The following SRPK2 variants were observed in gnomAD, a reference collection of about 807,000 sequenced individuals.
SRPK2 encodes SFRS protein kinase 2.
In SRPK2, 21 loss-of-function variants were observed where a neutral mutation model predicts 90.8. The ratio of observed to expected loss-of-function variants is 0.23; its 90% CI spans 0.16 to 0.33. SRPK2 has a LOEUF of 0.33. SRPK2 is among the 10% of genes least tolerant of loss of function. The pLI is 1.00. For missense variants in SRPK2, 620 were observed against 869.0 expected, an observed-to-expected ratio of 0.71 and a Z score of 3.60; for synonymous variants, 288 against 311.1, an observed-to-expected ratio of 0.93 and a Z score of 0.78.
rs1406187131 is a variant in SRPK2, at chr7:105,142,011, T to C, written c.1540A>G (p.Lys514Glu). The stretch of plus-strand genomic sequence containing the variant: ...GTTGATGGGAAGAAACACTTACCTT[T>C]TGGCAAATCCCCAGTACTGGAGGCT... Reference protein sequence around the residue: ...VSASSTGDLPKAKTRAADLLV... With the variant: ...VSASSTGDLPEAKTRAADLLV... The change falls in exon 11 of 16, where the codon AAA (lysine) becomes GAA (glutamate). Residue 514 changes from lysine to glutamate, a missense_variant. By Grantham distance (56) the Lys-to-Glu change is moderately conservative. Around this residue, in one of 8 missense-constraint regions of SRPK2, gnomAD observed 243 missense variants for 245.7 expected, o/e 0.99. Transcript: ENST00000393651. 2 of 1,601,920 alleles carry C rather than the reference T, an allele frequency of 1.2e-6. No homozygotes were observed. Among genetic ancestry groups the C allele is most frequent in the Non-Finnish European group, 1.7e-6 (2 of 1,173,222 alleles).
At chr7:105,281,351 C>A (rs1186919596) in intron 2 of SRPK2, among the ~76,000 whole-genome samples, 1 of 152,212 alleles carries the variant, frequency 6.6e-6, no homozygotes, top group South Asian at 2.1e-4. Flanking sequence ...CCACCTCGGC[C>A]GCCCAAAGTG....
At chr7:105,225,946 C>A (rs889039800) in intron 2 of SRPK2, among the ~76,000 whole-genome samples, 2 of 152,156 alleles carry the variant, frequency 1.3e-5, no homozygotes, top group Admixed American at 6.5e-5. Context: ...GCTCAACAGC[C>A]ACATGCGGGG....
chr7:105,240,655 C>T (rs1381095500), intron 2 of SRPK2, among the ~76,000 whole-genome samples: 2 of 151,936 alleles, frequency 1.3e-5, no homozygotes, highest in Non-Finnish European at 2.9e-5. Flanking sequence ...TCAGAAAGTA[C>T]AAGGAGAAGT....
chr7:105,119,353 G>C (rs926050387), intron 15 of SRPK2, among the ~76,000 whole-genome samples: 1 of 152,118 alleles, frequency 6.6e-6, no homozygotes, highest in African/African-American at 2.4e-5. Context: ...GAAAAGGAAA[G>C]AGCATTACAG....
At chr7:105,197,523 G>A (rs569586513) in intron 3 of SRPK2, among the ~76,000 whole-genome samples, 1 of 152,220 alleles carries the variant, frequency 6.6e-6, no homozygotes, top group South Asian at 2.1e-4. Context: ...TGCCTATCCC[G>A]TACTTGCAAC....
At position 105,245,047 on chromosome 7, in the gene SRPK2, A is replaced by ACACACG; in HGVS notation, c.72-41263_72-41262insCGTGTG. ...CAAAACAAAACAAACACACACACAC[A>ACACACG]CACACACACACACACACACACACAC... On this transcript the variant is annotated intron_variant, in intron 2 of 15. Coordinates refer to ENST00000393651, the MANE Select transcript of SRPK2 (RefSeq NM_182692.3). 4.7e-6 allele frequency: 3 copies of ACACACG among 636,450 alleles called. No homozygotes were observed. The South Asian group carries it at 5.0e-5, about 11-fold the overall frequency. 39.4% of individuals were successfully genotyped at this position (636,450 alleles called of 1,614,324 possible). A position where few individuals can be genotyped will look rare whatever the true frequency, so the allele number is the denominator to read the frequency against.
At chr7:105,141,438 C>T (rs1269232695) in intron 11 of SRPK2, among the ~76,000 whole-genome samples, 1 of 152,166 alleles carries the variant, frequency 6.6e-6, no homozygotes, top group African/African-American at 2.4e-5. Context: ...GTCAAGCCTT[C>T]TTAGGTAGAC....
intron 2 of SRPK2, among the ~76,000 whole-genome samples, chr7:105,339,492 G>A (rs1215731193): frequency 6.6e-6 from 1 of 152,072 alleles, no homozygotes; most frequent in East Asian, 1.9e-4. Flanking sequence ...TAATAATGAA[G>A]GAAGAAACAT....
chr7:105,136,301 A>G (rs773502247), intron 11 of SRPK2, among the ~76,000 whole-genome samples: 2 of 152,216 alleles, frequency 1.3e-5, no homozygotes, highest in African/African-American at 2.4e-5. Flanking sequence ...TTCCTGAACT[A>G]AGGTACCAGA....
intron 6 of SRPK2, among the ~76,000 whole-genome samples, chr7:105,160,922 C>T (rs1807519480): frequency 6.6e-6 from 1 of 151,946 alleles, no homozygotes; most frequent in Admixed American, 6.6e-5. Flanking sequence ...CACATCCTTC[C>T]ATATACTTTA....
intron 3 of SRPK2, among the ~76,000 whole-genome samples, chr7:105,178,699 A>G (rs1304947315): frequency 1.3e-5 from 2 of 152,088 alleles, no homozygotes. Context: ...GCGCATGCGT[A>G]TGATCCCAGC....
At chr7:105,136,925 A>G in intron 11 of SRPK2, among the ~76,000 whole-genome samples, 1 of 152,094 alleles carries the variant, frequency 6.6e-6, no homozygotes, top group East Asian at 1.9e-4. Context: ...AAATTAGGAA[A>G]CTCGTGTACT....
intron 2 of SRPK2, among the ~76,000 whole-genome samples, chr7:105,242,702 C>T (rs1475512905): frequency 1.3e-5 from 2 of 152,100 alleles, no homozygotes; most frequent in African/African-American, 4.8e-5. Flanking sequence ...TTATTCTTGC[C>T]AACCTGAAAT....
At chr7:105,317,434 T>C (rs769257264) in intron 2 of SRPK2, among the ~76,000 whole-genome samples, 3 of 152,348 alleles carry the variant, frequency 2.0e-5, no homozygotes, top group Non-Finnish European at 2.9e-5. Context: ...GTAAAATGCA[T>C]GTCTCCAGGA....
intron 2 of SRPK2, among the ~76,000 whole-genome samples, chr7:105,208,052 A>G (rs978035457): frequency 2.0e-5 from 3 of 152,244 alleles, no homozygotes; most frequent in South Asian, 2.1e-4. Flanking sequence ...AAGATGCTCA[A>G]CATCATTAGT....
At position 105,331,013 on chromosome 7, in the gene SRPK2, A is replaced by T. The variant is rs548633090; in HGVS notation, c.71+57635T>A. On this transcript the variant is annotated intron_variant, in intron 2 of 15. Transcript: ENST00000393651. ...TCTGTGTCTTAATTAAAAGAAAAAA[A>T]AAAGAAGGCCGGGCACGATGGCTCA... is the stretch of plus-strand genomic sequence containing the variant. Among the ~76,000 whole-genome samples the T allele has an allele frequency of 1.0e-3, 156 of 152,224 alleles. 1 individual carries two copies. Among genetic ancestry groups the T allele is most frequent in the African/African-American group, 3.1e-3 (127 of 41,552 alleles).
At chr7:105,334,838 AAAAAAAAAAAC>A (rs1814885167) in intron 2 of SRPK2, among the ~76,000 whole-genome samples, 1 of 149,826 alleles carries the variant, frequency 6.7e-6, no homozygotes, top group African/African-American at 2.5e-5. Context: ...ACAGACCAAA[AAAAAAAAAAAC>A]AAAAAAAAAA....
At chr7:105,390,225 A>G (rs1419750180), upstream of SRPK2, among the ~76,000 whole-genome samples, 3 of 152,162 alleles carry the variant, frequency 2.0e-5, no homozygotes, top group African/African-American at 7.2e-5. Flanking sequence ...AGAAACTTTC[A>G]TACTAATACA....
At chr7:105,348,367 A>C (rs968008963) in intron 2 of SRPK2, among the ~76,000 whole-genome samples, 1 of 151,094 alleles carries the variant, frequency 6.6e-6, no homozygotes, top group Non-Finnish European at 1.5e-5. Flanking sequence ...CACCGCGCAC[A>C]GCAGTCAAAC....
Sources: gnomAD v4.1 joint callset for allele counts (sites outside exome capture counted in the v4.1 genomes callset) on GRCh38, gnomAD v4.1.1 for gene constraint, gnomAD v4.1.1 regional missense constraint, MANE v1.5 for transcripts, NCBI Gene and HGNC (gene_info 2026-07-23, HGNC 2026-07-21) for gene names.